Variants in METTL15 observed in about 807,000 individuals in gnomAD.
METTL15 encodes 12S rRNA N(4)-cytidine methyltransferase METTL15.
Under a neutral mutation model 38.3 loss-of-function variants are expected in METTL15, and 34 were observed. That is an observed-to-expected ratio of 0.89 (90% CI 0.68 to 1.18). The LOEUF (loss-of-function observed/expected upper bound fraction) is 1.18, where lower values mean the gene tolerates loss of function less well. Ranked by LOEUF, METTL15 falls within the 50% of genes most tolerant of loss-of-function variation. The pLI, the probability that METTL15 is intolerant of heterozygous loss-of-function variation, is 0.00. For synonymous variants in METTL15, 162 were observed against 170.9 expected, an observed-to-expected ratio of 0.95 and a Z score of 0.41; for missense variants, 438 against 498.4, an observed-to-expected ratio of 0.88 and a Z score of 1.15.
intron 4 of METTL15, among the ~76,000 whole-genome samples, chr11:28,248,745 A>G (rs955497373): frequency 9.9e-5 from 15 of 151,928 alleles, no homozygotes; most frequent in Admixed American, 3.3e-4. Context: ...GGTGTTTTAC[A>G]ATTTATTTTA....
At chr11:28,417,446 G>T (rs1157400822) in intron 5 of METTL15, among the ~76,000 whole-genome samples, 1 of 152,144 alleles carries the variant, frequency 6.6e-6, no homozygotes, top group Non-Finnish European at 1.5e-5. Context: ...TGAGAATCTG[G>T]CTCAAGGGAC....
chr11:28,208,958 C>G lies in METTL15; in HGVS notation c.271-2104C>G, dbSNP rs576741279. On this transcript the variant is annotated intron_variant, in intron 3 of 6. Transcript: ENST00000407364. ...TTAACTCAGGACATATGATGGGTTT[C>G]CCTTCTAGTTTCATAAATTCCATTT... 4.6e-5 allele frequency among the ~76,000 whole-genome samples: 7 copies of G among 151,986 alleles called. 1 individual carries two copies. The highest frequency in any genetic ancestry group is 1.7e-4 in the African/African-American group (7 of 41,514).
intron 3 of METTL15, among the ~76,000 whole-genome samples, chr11:28,162,487 A>AT (rs1850501624): frequency 1.3e-5 from 2 of 152,120 alleles, no homozygotes; most frequent in Non-Finnish European, 2.9e-5. Flanking sequence ...CTTTCTAGAA[A>AT]TTTTCAATAT....
intron 3 of METTL15, among the ~76,000 whole-genome samples, chr11:28,161,491 G>A (rs914446674): frequency 3.3e-5 from 5 of 152,078 alleles, no homozygotes; most frequent in African/African-American, 9.7e-5. Context: ...AGAATAAAAA[G>A]TGATGTTAGA....
intron 4 of METTL15, among the ~76,000 whole-genome samples, chr11:28,256,295 T>G (rs141920223): frequency 7.2e-5 from 11 of 152,366 alleles, no homozygotes; most frequent in African/African-American, 2.6e-4. Context: ...AAATTATGTT[T>G]GGCGGAATTC....
At chr11:28,273,920 A>G (rs1415631003) in intron 4 of METTL15, among the ~76,000 whole-genome samples, 1 of 152,064 alleles carries the variant, frequency 6.6e-6, no homozygotes, top group East Asian at 1.9e-4. Flanking sequence ...CTAATCACCA[A>G]TCACCCTTTT....
At chr11:28,130,137 C>A (rs1203343317) in intron 3 of METTL15, among the ~76,000 whole-genome samples, 1 of 151,902 alleles carries the variant, frequency 6.6e-6, no homozygotes, top group East Asian at 1.9e-4. Flanking sequence ...TGGTGAGACC[C>A]CCATCTCTAC....
intron 5 of METTL15, among the ~76,000 whole-genome samples, chr11:28,392,912 T>G (rs1347425674): frequency 2.0e-5 from 3 of 151,992 alleles, no homozygotes; most frequent in Non-Finnish European, 4.4e-5. Context: ...ATGTTGAACA[T>G]CACTGATCAT....
intron 6 of METTL15, among the ~76,000 whole-genome samples, chr11:28,464,431 C>G (rs1851240561): frequency 6.6e-6 from 1 of 152,102 alleles, no homozygotes. Context: ...AGTATGTAAA[C>G]AAATGAGTGT....
chr11:28,392,587 T>C (rs1190927323), intron 5 of METTL15, among the ~76,000 whole-genome samples: 4 of 152,096 alleles, frequency 2.6e-5, no homozygotes, highest in African/African-American at 7.2e-5. Flanking sequence ...CTTCATGATA[T>C]TGGATTTTGC....
intron 5 of METTL15, among the ~76,000 whole-genome samples, chr11:28,409,254 C>T (rs919006117): frequency 2.6e-5 from 4 of 151,446 alleles, no homozygotes; most frequent in African/African-American, 7.3e-5. Context: ...GGGTGACAGG[C>T]GCCTGTTGTC....
At chr11:28,216,608 A>G (rs887994884) in intron 4 of METTL15, among the ~76,000 whole-genome samples, 8 of 152,024 alleles carry the variant, frequency 5.3e-5, no homozygotes, top group Non-Finnish European at 1.0e-4. Context: ...CATGTGCACA[A>G]CATGCAGATT....
At chr11:28,271,964 A>T (rs1274417511) in intron 4 of METTL15, among the ~76,000 whole-genome samples, 5 of 152,208 alleles carry the variant, frequency 3.3e-5, no homozygotes, top group Admixed American at 6.5e-5. Flanking sequence ...CATGAAAAAA[A>T]GGTTATCATC....
chr11:28,407,075 A>G (rs962627375), intron 5 of METTL15, among the ~76,000 whole-genome samples: 2 of 152,146 alleles, frequency 1.3e-5, no homozygotes, highest in Non-Finnish European at 2.9e-5. Flanking sequence ...GTGCTTCTGG[A>G]TTCGGTTTGC....
chr11:28,498,197 G>C (rs142195344), intron 6 of METTL15, among the ~76,000 whole-genome samples: 1 of 152,030 alleles, frequency 6.6e-6, no homozygotes, highest in Non-Finnish European at 1.5e-5. Flanking sequence ...GGGCATTTCA[G>C]ATTGTAACTG....
chr11:28,310,788 A>G (rs1258456877), intron 6 of METTL15, among the ~76,000 whole-genome samples: 2 of 151,980 alleles, frequency 1.3e-5, no homozygotes, highest in African/African-American at 2.4e-5. Context: ...TATTTCATGT[A>G]TCTTTGATTG....
At chr11:28,418,241 G>A (rs887287263) in intron 5 of METTL15, among the ~76,000 whole-genome samples, 1 of 152,132 alleles carries the variant, frequency 6.6e-6, no homozygotes, top group Non-Finnish European at 1.5e-5. Flanking sequence ...TTAAACTTGT[G>A]CCTAAAATAC....
chr11:28,222,935 C>A (rs889970028), intron 4 of METTL15, among the ~76,000 whole-genome samples: 1 of 152,014 alleles, frequency 6.6e-6, no homozygotes, highest in Non-Finnish European at 1.5e-5. Flanking sequence ...GAAGATTAAA[C>A]TGTGAAAAGA....
At position 28,508,183 on chromosome 11, in the gene METTL15, A is replaced by AT. The variant is rs575286197; in HGVS notation, c.*425-18285dup. 2.3e-4 allele frequency among the ~76,000 whole-genome samples: 34 copies of AT among 146,174 alleles called. 1 individual carries two copies. Among genetic ancestry groups the AT allele is most frequent in the East Asian group, 2.2e-3 (11 of 4,960 alleles). The stretch of plus-strand genomic sequence containing the variant: ...ATCAGCCAGTCCCTCTTCAGTCCTT[A>AT]TTTTTTTTTTCATAGCATTTATTAC... On this transcript the variant is annotated intron_variant and NMD_transcript_variant, in intron 6 of 7. Coordinates refer to the METTL15 transcript ENST00000532947.
Sources: allele counts gnomAD v4.1 joint callset (sites outside exome capture counted in the v4.1 genomes callset), GRCh38; gene constraint gnomAD v4.1.1; transcripts MANE v1.5; gene names NCBI Gene and HGNC (gene_info 2026-07-23, HGNC 2026-07-21).